Variants in TP63 observed in about 807,000 individuals in gnomAD.
TP63 encodes the protein tumor protein p63.
In TP63, 17 loss-of-function variants were observed where a neutral mutation model predicts 82.8. The ratio of observed to expected loss-of-function variants is 0.21; its 90% CI spans 0.14 to 0.31. TP63 has a LOEUF of 0.31. Ranked by LOEUF, TP63 falls within the 10% of genes least tolerant of loss-of-function variation. The probability of loss-of-function intolerance (pLI) is 1.00; values close to 1 mark genes in which losing one functional copy is unlikely to be tolerated. For missense variants in TP63, 648 were observed against 895.3 expected (o/e 0.72, Z 3.52); for synonymous variants, 330 against 321.7 (o/e 1.03, Z -0.28).
chr3:189,734,274 C>T (rs56069876), intron 1 of TP63, among the ~76,000 whole-genome samples: 27,918 of 149,096 alleles, frequency 0.19, 3,451 homozygotes, highest in Non-Finnish European at 0.27. Context: ...TGGGTTCAAG[C>T]GATTCTCCTG....
chr3:189,626,920 T>C (rs1306124728), upstream of TP63, among the ~76,000 whole-genome samples: 1 of 39,822 alleles, frequency 2.5e-5, no homozygotes. Context: ...TACATTTTCA[T>C]GTTTTGTTTG....
At chr3:189,597,177 A>G in the TP63 span, among the ~76,000 whole-genome samples, 1 of 152,204 alleles carries the variant, frequency 6.6e-6, no homozygotes, top group African/African-American at 2.4e-5. Flanking sequence ...AGAGATTTTG[A>G]AAACTATGAA....
rs1272573624 is a variant in TP63 at position 189,822,933 on chromosome 3, G to A, written c.579+14407G>A. On this transcript the variant is annotated intron_variant, in intron 4 of 13. Coordinates refer to ENST00000264731, the MANE Select transcript of TP63 (RefSeq NM_003722.5). ...TAGGGGTGGCTGCACTGCCTCCAGTGGTGGTGAGTTCTCCACCTCCAGAGA... is the reference window on the plus strand; with the variant it reads ...TAGGGGTGGCTGCACTGCCTCCAGTAGTGGTGAGTTCTCCACCTCCAGAGA... Among the ~76,000 whole-genome samples, 3 of 152,160 alleles carry A rather than the reference G, an allele frequency of 2.0e-5. No homozygotes were observed. The East Asian group carries it at 5.8e-4, about 29-fold the overall frequency.
At chr3:189,634,894 A>G (rs972279051) in intron 1 of TP63, among the ~76,000 whole-genome samples, 5 of 152,048 alleles carry the variant, frequency 3.3e-5, no homozygotes, top group African/African-American at 9.7e-5. Flanking sequence ...TGTTTGGGCT[A>G]AAACTTGGGC....
intron 5 of TP63, 123 bp downstream of exon 5, chr3:189,864,541 CTTTT>C (rs10714778): frequency 0.032 from 6,882 of 211,968 alleles, no homozygotes; most frequent in East Asian, 0.045. Context: ...ATCAGTCTGC[CTTTT>C]TTTTTTTTTT....
chr3:189,613,420 C>T, the TP63 span, among the ~76,000 whole-genome samples: 3 of 152,220 alleles, frequency 2.0e-5, no homozygotes, highest in African/African-American at 7.2e-5. Flanking sequence ...TTGGGAACCT[C>T]CACCTAGAGT....
chr3:189,705,625 G>A (rs1204775946), intron 1 of TP63, among the ~76,000 whole-genome samples: 1 of 152,004 alleles, frequency 6.6e-6, no homozygotes, highest in Non-Finnish European at 1.5e-5. Context: ...GTCAATGGGA[G>A]AGCATATGGA....
At chr3:189,858,027 C>T (rs1353678300) in intron 4 of TP63, among the ~76,000 whole-genome samples, 1 of 152,240 alleles carries the variant, frequency 6.6e-6, no homozygotes, top group Non-Finnish European at 1.5e-5. Context: ...GGGATATCTT[C>T]ACTCCTGTTT....
the TP63 span, among the ~76,000 whole-genome samples, chr3:189,619,020 T>C: frequency 2.6e-5 from 4 of 152,176 alleles, no homozygotes; most frequent in Admixed American, 2.6e-4. Flanking sequence ...ATAAACTGTT[T>C]CCTATGTGGA....
intron 1 of TP63, among the ~76,000 whole-genome samples, chr3:189,651,432 G>A (rs1399171585): frequency 6.9e-6 from 1 of 145,742 alleles, no homozygotes; most frequent in Admixed American, 6.7e-5. Context: ...TGTAATCTCA[G>A]CTACTTAGGA....
At chr3:189,875,613 T>TATATATATATACACACACAC (rs1553859698) in intron 10 of TP63, among the ~76,000 whole-genome samples, 1 of 105,506 alleles carries the variant, frequency 9.5e-6, no homozygotes, top group Non-Finnish European at 1.9e-5. Context: ...TATATATATA[T>TATATATATATACACACACAC]ATATATATAT....
intron 4 of TP63, among the ~76,000 whole-genome samples, chr3:189,854,116 A>T (rs1192788012): frequency 6.6e-6 from 1 of 152,186 alleles, no homozygotes; most frequent in Non-Finnish European, 1.5e-5. Context: ...GCTCAGTAAG[A>T]GTTGGCTAGA....
At chr3:189,826,968 G>A (rs1711528539) in intron 4 of TP63, among the ~76,000 whole-genome samples, 1 of 152,220 alleles carries the variant, frequency 6.6e-6, no homozygotes, top group Non-Finnish European at 1.5e-5. Context: ...GACTAGGCAA[G>A]TGACCTGATG....
chr3:189,812,239 G>A (rs949924632), intron 4 of TP63, among the ~76,000 whole-genome samples: 1 of 151,972 alleles, frequency 6.6e-6, no homozygotes, highest in African/African-American at 2.4e-5. Flanking sequence ...TTTCCTTTGC[G>A]TTTCTGTGTT....
chr3:189,846,812 G>A (rs1714944702), intron 4 of TP63, among the ~76,000 whole-genome samples: 1 of 148,360 alleles, frequency 6.7e-6, no homozygotes, highest in Non-Finnish European at 1.5e-5. Flanking sequence ...TCAGACTTCT[G>A]AGTAGCAGAG....
intron 5 of TP63, 45 bp downstream of exon 5, chr3:189,864,463 C>A: frequency 6.6e-7 from 1 of 1,522,522 alleles, no homozygotes; most frequent in South Asian, 1.2e-5. Context: ...CCTTGAAGGT[C>A]AAGATTCTGT....
intron 1 of TP63, among the ~76,000 whole-genome samples, chr3:189,690,002 C>T (rs1355734781): frequency 6.6e-6 from 1 of 152,134 alleles, no homozygotes; most frequent in African/African-American, 2.4e-5. Context: ...GCCTCCTTCC[C>T]TCTACCTCTC....
chr3:189,808,002 A>G (rs1727099251), intron 3 of TP63, among the ~76,000 whole-genome samples: 1 of 152,200 alleles, frequency 6.6e-6, no homozygotes, highest in African/African-American at 2.4e-5. Context: ...GAATAAGCAT[A>G]TACTCTACTT....
At chr3:189,678,638 G>C (rs1382199064) in intron 1 of TP63, among the ~76,000 whole-genome samples, 1 of 151,890 alleles carries the variant, frequency 6.6e-6, no homozygotes, top group South Asian at 2.1e-4. Context: ...TTGGTATTTT[G>C]ATAGGAATTG....
Sources: allele counts gnomAD v4.1 joint callset (sites outside exome capture counted in the v4.1 genomes callset), GRCh38; gene constraint gnomAD v4.1.1; transcripts MANE v1.5; gene names NCBI Gene and HGNC (gene_info 2026-07-23, HGNC 2026-07-21).